The following RAPGEF4 variants were observed in gnomAD, a reference collection of about 807,000 sequenced individuals.
RAPGEF4 encodes RAP guanine-nucleotide-exchange factor (GEF) 4.
A neutral mutation model predicts 147.9 loss-of-function variants in RAPGEF4; 66 were observed. The ratio of observed to expected loss-of-function variants is 0.45; its 90% CI spans 0.37 to 0.55. The LOEUF (loss-of-function observed/expected upper bound fraction) is 0.55. Ranked by LOEUF, RAPGEF4 falls within the 20% of genes least tolerant of loss-of-function variation. The pLI is 0.00. For missense variants in RAPGEF4, 1,071 were observed against 1,257.3 expected (o/e 0.85, Z 2.24); for synonymous variants, 419 against 442.7 (o/e 0.95, Z 0.67).
intron 3 of RAPGEF4, among the ~76,000 whole-genome samples, chr2:172,804,525 G>A (rs1243511522): frequency 6.6e-6 from 1 of 152,196 alleles, no homozygotes; most frequent in African/African-American, 2.4e-5. Context: ...TGATGCCTGA[G>A]TAGCTGTTCA....
At chr2:172,985,406 T>G in intron 11 of RAPGEF4, 27 bp from the exon 12 acceptor site, 1 of 1,613,938 alleles carries the variant, frequency 6.2e-7, no homozygotes, top group Non-Finnish European at 8.5e-7. Context: ...ATGTGGCCTT[T>G]GCATGTTTCT....
intron 1 of RAPGEF4, among the ~76,000 whole-genome samples, chr2:172,788,648 A>G (rs1211971909): frequency 6.6e-6 from 1 of 151,992 alleles, no homozygotes; most frequent in Non-Finnish European, 1.5e-5. Context: ...ACTTTGGGAG[A>G]CCGAAGCAGG....
At chr2:172,919,050 G>C (rs1055777866) in intron 5 of RAPGEF4, among the ~76,000 whole-genome samples, 1 of 152,080 alleles carries the variant, frequency 6.6e-6, no homozygotes, top group Admixed American at 6.5e-5. Flanking sequence ...AGGGTGGGAG[G>C]GACAGGTTCA....
At chr2:172,955,815 C>T (rs938668) in intron 6 of RAPGEF4, among the ~76,000 whole-genome samples, 12,497 of 152,010 alleles carry the variant, frequency 0.082, 775 homozygotes, top group African/African-American at 0.17. Flanking sequence ...GTGTAGGGAG[C>T]GAGTGAGAGG....
chr2:172,805,750 A>G (rs1471157967), intron 3 of RAPGEF4, among the ~76,000 whole-genome samples: 4 of 151,778 alleles, frequency 2.6e-5, no homozygotes. Flanking sequence ...GGACACATCC[A>G]CCTCCAGATC....
intron 6 of RAPGEF4, among the ~76,000 whole-genome samples, chr2:172,956,508 C>T (rs1048748030): frequency 5.0e-5 from 7 of 140,706 alleles, no homozygotes; most frequent in Admixed American, 1.5e-4. Flanking sequence ...CTCACTCTGT[C>T]GCCCAGGCTG....
intron 23 of RAPGEF4, among the ~76,000 whole-genome samples, chr2:173,025,626 AG>A (rs1322685582): frequency 6.6e-6 from 1 of 152,148 alleles, no homozygotes; most frequent in African/African-American, 2.4e-5. Context: ...TATTTTCAGT[AG>A]AGACAGGGTT....
chr2:172,864,493 C>G (rs777647561), intron 4 of RAPGEF4, among the ~76,000 whole-genome samples: 8 of 152,156 alleles, frequency 5.3e-5, no homozygotes, highest in Non-Finnish European at 7.3e-5. Context: ...CAGTGTACGT[C>G]CCCCGATTTA....
At chr2:172,832,681 CTT>C (rs1228867364) in intron 4 of RAPGEF4, among the ~76,000 whole-genome samples, 2 of 152,290 alleles carry the variant, frequency 1.3e-5, no homozygotes, top group South Asian at 2.1e-4. Context: ...GCAGTGGAAA[CTT>C]TGCACAAAAC....
chr2:172,958,598 C>T (rs759809295), intron 6 of RAPGEF4, among the ~76,000 whole-genome samples: 1 of 152,200 alleles, frequency 6.6e-6, no homozygotes, highest in Non-Finnish European at 1.5e-5. Flanking sequence ...CAAAATCAGT[C>T]CCTGTTTAAA....
At chr2:172,977,138 T>G (rs1280215197) in intron 10 of RAPGEF4, among the ~76,000 whole-genome samples, 1 of 152,214 alleles carries the variant, frequency 6.6e-6, no homozygotes, top group Admixed American at 6.5e-5. Flanking sequence ...TGTAGGTTAC[T>G]CTTATGAAGG....
chr2:172,858,816 C>T (rs1189350848), intron 4 of RAPGEF4, among the ~76,000 whole-genome samples: 1 of 152,120 alleles, frequency 6.6e-6, no homozygotes, highest in Non-Finnish European at 1.5e-5. Flanking sequence ...CTCTAATCAG[C>T]CCTCTCAAGT....
chr2:172,956,823 C>T (rs901234239), intron 6 of RAPGEF4, among the ~76,000 whole-genome samples: 1 of 152,186 alleles, frequency 6.6e-6, no homozygotes, highest in Non-Finnish European at 1.5e-5. Flanking sequence ...GCAGGGTGCT[C>T]ATATGTAATC....
intron 4 of RAPGEF4, among the ~76,000 whole-genome samples, chr2:172,856,012 A>G (rs1387307143): frequency 6.6e-6 from 1 of 151,794 alleles, no homozygotes; most frequent in Non-Finnish European, 1.5e-5. Context: ...TCGTTTTTTA[A>G]CCAAATTTTG....
chr2:172,966,675 C>T (rs1360293674), intron 9 of RAPGEF4, among the ~76,000 whole-genome samples: 3 of 152,198 alleles, frequency 2.0e-5, no homozygotes, highest in Non-Finnish European at 2.9e-5. Flanking sequence ...AACTTTAAGA[C>T]ATCAGATTTG....
intron 4 of RAPGEF4, among the ~76,000 whole-genome samples, chr2:172,879,437 C>A (rs989059322): frequency 6.6e-6 from 1 of 152,104 alleles, no homozygotes; most frequent in Non-Finnish European, 1.5e-5. Context: ...AAACCGTTGA[C>A]AGTGCAGCAA....
chr2:172,786,247 T>G (rs2149522831), intron 1 of RAPGEF4, among the ~76,000 whole-genome samples: 1 of 152,286 alleles, frequency 6.6e-6, no homozygotes, highest in South Asian at 2.1e-4. Flanking sequence ...GTTTCCATAT[T>G]CAACTACCGT....
chr2:172,871,131 C>A (rs1456160553), intron 4 of RAPGEF4, among the ~76,000 whole-genome samples: 1 of 152,118 alleles, frequency 6.6e-6, no homozygotes, highest in African/African-American at 2.4e-5. Flanking sequence ...TAGGGTTGTT[C>A]CATCATTATC....
At chr2:173,034,318 G>A (rs1240562101) in intron 27 of RAPGEF4, among the ~76,000 whole-genome samples, 2 of 152,196 alleles carry the variant, frequency 1.3e-5, no homozygotes, top group African/African-American at 2.4e-5. Flanking sequence ...CAGAAAAGGA[G>A]TGAGTTGGGC....
Sources: allele counts gnomAD v4.1 joint callset (sites outside exome capture counted in the v4.1 genomes callset), GRCh38; gene constraint gnomAD v4.1.1; transcripts MANE v1.5; gene names NCBI Gene and HGNC (gene_info 2026-07-23, HGNC 2026-07-21).